The following PI4KA variants were observed in gnomAD, a reference collection of about 807,000 sequenced individuals.
The protein encoded by PI4KA is phosphatidylinositol 4-kinase alpha.
A neutral mutation model predicts 271.4 loss-of-function variants in PI4KA; 122 were observed. The ratio of observed to expected loss-of-function variants is 0.45; its 90% CI spans 0.39 to 0.52. The LOEUF (loss-of-function observed/expected upper bound fraction) is 0.52, where lower values mean the gene tolerates loss of function less well. Among genes scored for constraint, PI4KA ranks in the 20% least tolerant of loss-of-function variants. PI4KA has a pLI of 0.00. For missense variants in PI4KA, 1,969 were observed against 2,769.1 expected, an observed-to-expected ratio of 0.71 and a Z score of 6.48; for synonymous variants, 1,041 against 1,078.8, an observed-to-expected ratio of 0.96 and a Z score of 0.69.
chr22:20,729,284 G>C (rs2147233914), intron 39 of PI4KA, 29 bp downstream of exon 39: 1 of 1,598,188 alleles, frequency 6.3e-7, no homozygotes, highest in African/African-American at 1.3e-5. Context: ...GGTGAGGCCT[G>C]TGTCAGGCTG....
chr22:20,719,109 G>GT lies in PI4KA; in HGVS notation c.5117-288dup, dbSNP rs762374762. On this transcript the variant is annotated intron_variant, in intron 43 of 54. Transcript: ENST00000255882. ...TACACACGCAGGAAGAAAAAAGCCCGTGTCATTTATGAATGTCACAGGGCA... is the reference window on the plus strand; with the variant it reads ...TACACACGCAGGAAGAAAAAAGCCCGTTGTCATTTATGAATGTCACAGGGCA... Among the ~76,000 whole-genome samples the GT allele has an allele frequency of 3.3e-5, 5 of 152,234 alleles. No individual in the cohort carries two copies. The East Asian group carries it at 9.6e-4, about 29-fold the overall frequency.
chr22:20,757,248 G>A (rs1040837608), intron 23 of PI4KA, among the ~76,000 whole-genome samples: 1 of 152,322 alleles, frequency 6.6e-6, no homozygotes, highest in Admixed American at 6.5e-5. Context: ...AAAAATATAA[G>A]AGGGATATAC....
At chr22:20,831,460 C>A (rs541751940) in intron 3 of PI4KA, among the ~76,000 whole-genome samples, 1 of 152,116 alleles carries the variant, frequency 6.6e-6, no homozygotes, top group East Asian at 1.9e-4. Context: ...CCCAGTTACT[C>A]AGGAGGCTGA....
chr22:20,783,914 T>C, intron 19 of PI4KA: 1 of 1,609,164 alleles, frequency 6.2e-7, no homozygotes, highest in Non-Finnish European at 8.5e-7. Flanking sequence ...CTCTCAAGGG[T>C]GAGACGATTT....
At chr22:20,796,119 G>C in intron 18 of PI4KA, 27 bp downstream of exon 18, 1 of 1,597,866 alleles carries the variant, frequency 6.3e-7, no homozygotes. Flanking sequence ...ACACTGATGG[G>C]GAAGGCATAG....
In PI4KA at chr22:20,729,337, T is replaced by A; in HGVS notation, c.4658A>T (p.Tyr1553Phe). Residue 1553 changes from tyrosine (Y) to phenylalanine (F), a missense_variant, in exon 39 of 55, where the codon TAC becomes TTC. Tyr to Phe is a conservative substitution (Grantham distance 22). Coordinates refer to ENST00000255882, the MANE Select transcript of PI4KA (RefSeq NM_058004.4). ...NVNLAWSISP[Y>F]LAVQLPARFK... ...CCTGGCAGGCAGCTGCACGGCTAGG[T>A]AGGGAGAGATGCTCCAGGCGAGGTT... is the stretch of plus-strand genomic sequence containing the variant. 1.2e-6 allele frequency: 2 copies of A among 1,613,576 alleles called. No homozygotes were observed. Among genetic ancestry groups the A allele is most frequent in the Non-Finnish European group, 1.7e-6 (2 of 1,179,798 alleles).
At chr22:20,761,051 T>C (rs925471036) in intron 23 of PI4KA, among the ~76,000 whole-genome samples, 1 of 152,280 alleles carries the variant, frequency 6.6e-6, no homozygotes, top group Middle Eastern at 3.4e-3. Context: ...CTGGTCCCTC[T>C]AGATGAGTGC....
intron 15 of PI4KA, 80 bp downstream of exon 15, chr22:20,799,591 C>A (rs912655534): frequency 2.1e-6 from 2 of 933,890 alleles, no homozygotes; most frequent in Non-Finnish European, 3.4e-6. Context: ...CAGAGGCATG[C>A]ATACGCACAA....
In PI4KA at chr22:20,727,806, C is replaced by G. The variant is rs563669044; in HGVS notation, c.4741G>C (p.Gly1581Arg). 7 of 1,614,062 alleles carry G rather than the reference C, an allele frequency of 4.3e-6. No individual in the cohort carries two copies. In the Admixed American group the frequency reaches 1.2e-4, roughly 27 times the overall value. ...GCTTCAGGCACATCACTAACGGCTC[C>G]CGGGTCCAACCGAACGAGACGGGTC... ...EVTRLVRLDP[G>R]AVSDVPEAIK... is the part of the protein sequence containing the mutation. Residue 1581 changes from glycine to arginine, a missense_variant, in exon 40 of 55, where the codon GGA (glycine) becomes CGA (arginine). Physicochemically the swap from Gly to Arg is moderately radical, Grantham distance 125 (BLOSUM62 -2). Transcript: ENST00000255882.
chr22:20,779,961 A>G (rs771285493), intron 19 of PI4KA: 2 of 1,614,242 alleles, frequency 1.2e-6, no homozygotes, highest in Non-Finnish European at 1.7e-6. Flanking sequence ...TTTTGGGTAC[A>G]CACTGCGGTC....
At chr22:20,801,338 C>T (rs992434953) in intron 14 of PI4KA, among the ~76,000 whole-genome samples, 62 of 151,978 alleles carry the variant, frequency 4.1e-4, no homozygotes, top group Admixed American at 2.6e-4. Context: ...GTAATCCCAG[C>T]ACTTTGGGAG....
chr22:20,737,656 A>C (rs1015599415), intron 32 of PI4KA, among the ~76,000 whole-genome samples: 1 of 140,260 alleles, frequency 7.1e-6, no homozygotes, highest in Non-Finnish European at 1.5e-5. Flanking sequence ...TTTGAGACGG[A>C]GTTTCGCTCT....
chr22:20,748,933 G>A (rs372415140), intron 28 of PI4KA, among the ~76,000 whole-genome samples: 2 of 152,100 alleles, frequency 1.3e-5, no homozygotes, highest in East Asian at 3.9e-4. Context: ...CACGCCAAGG[G>A]GACACCTGGT....
intron 19 of PI4KA, among the ~76,000 whole-genome samples, chr22:20,781,587 T>A (rs957523068): frequency 2.0e-4 from 31 of 152,218 alleles, no homozygotes; most frequent in Middle Eastern, 3.2e-3. Flanking sequence ...AAGGCAGGCA[T>A]TCTGCTGGAT....
chr22:20,784,858 T>C (rs2147509863), intron 19 of PI4KA, among the ~76,000 whole-genome samples: 1 of 152,238 alleles, frequency 6.6e-6, no homozygotes. Flanking sequence ...TAGGCCCATA[T>C]GAAGAAGTGA....
rs561744451 is a variant in PI4KA at position 20,850,432 on chromosome 22, A to T, written c.156+8138T>A. On this transcript the variant is annotated intron_variant, in intron 1 of 54. Transcript: ENST00000255882. ...TCCCCATAGGTCTCTGGGACTATAAATACTCATTTAAAAAAAAATTTTTTT... is the reference window on the plus strand; with the variant it reads ...TCCCCATAGGTCTCTGGGACTATAATTACTCATTTAAAAAAAAATTTTTTT... 3.9e-4 allele frequency among the ~76,000 whole-genome samples: 58 copies of T among 147,824 alleles called. 2 individuals carry two copies. Among genetic ancestry groups the T allele is most frequent in the Non-Finnish European group, 3.9e-4 (26 of 66,830 alleles).
At chr22:20,732,943 C>T (rs748580752) in intron 36 of PI4KA, 28 bp downstream of exon 36, 3 of 1,610,734 alleles carry the variant, frequency 1.9e-6, no homozygotes, top group African/African-American at 2.7e-5. Flanking sequence ...CTGCCTCCAC[C>T]ATGAGCAGCT....
chr22:20,710,189 G>C (rs1159030502), intron 52 of PI4KA, 192 bp from the exon 53 acceptor site: 3 of 644,350 alleles, frequency 4.7e-6, no homozygotes, highest in East Asian at 5.5e-5. Context: ...GCCCAGGCAA[G>C]GGCTGCCCAC....
intron 19 of PI4KA, among the ~76,000 whole-genome samples, chr22:20,788,100 C>T (rs934398094): frequency 6.6e-6 from 1 of 152,206 alleles, no homozygotes; most frequent in Non-Finnish European, 1.5e-5. Flanking sequence ...GGCTGTTCAG[C>T]ACGCAAGAGT....
Sources: gnomAD v4.1 joint callset for allele counts (sites outside exome capture counted in the v4.1 genomes callset) on GRCh38, gnomAD v4.1.1 for gene constraint, MANE v1.5 for transcripts, NCBI Gene and HGNC (gene_info 2026-07-23, HGNC 2026-07-21) for gene names.